Variants in CSMD2 observed in about 807,000 individuals in gnomAD.
CSMD2 encodes the protein CUB and Sushi multiple domains 2.
CSMD2 carries 130 observed loss-of-function variants against 398.5 expected under a neutral mutation model. The ratio of observed to expected loss-of-function variants is 0.33; its 90% CI spans 0.28 to 0.38. CSMD2 has a LOEUF of 0.38. Among genes scored for constraint, CSMD2 ranks in the 10% least tolerant of loss-of-function variants. CSMD2 has a pLI of 1.00. For missense variants in CSMD2, 3,829 were observed against 4,764.9 expected, an observed-to-expected ratio of 0.80 and a Z score of 5.78; for synonymous variants, 1,828 against 1,908.5, an observed-to-expected ratio of 0.96 and a Z score of 1.10.
intron 2 of CSMD2, among the ~76,000 whole-genome samples, chr1:34,051,175 A>G (rs1254122647): frequency 2.6e-5 from 4 of 152,246 alleles, no homozygotes; most frequent in Non-Finnish European, 5.9e-5. Flanking sequence ...ATCATGGCCT[A>G]TGATTAAGAT....
chr1:33,732,509 G>A (rs759483029), intron 15 of CSMD2, among the ~76,000 whole-genome samples: 10 of 152,208 alleles, frequency 6.6e-5, no homozygotes, highest in Non-Finnish European at 2.9e-5. Flanking sequence ...AACAGGCCAC[G>A]TGAGAACACA....
At chr1:33,887,496 C>G (rs1356453127) in intron 5 of CSMD2, among the ~76,000 whole-genome samples, 1 of 152,158 alleles carries the variant, frequency 6.6e-6, no homozygotes. Context: ...CACTGGGTTT[C>G]CATTTAGAGA....
intron 29 of CSMD2, among the ~76,000 whole-genome samples, chr1:33,642,612 T>C (rs752124220): frequency 3.2e-4 from 48 of 152,298 alleles, no homozygotes; most frequent in Middle Eastern, 3.4e-3. Flanking sequence ...GCCCTTGGGC[T>C]CTTGTATTCT....
intron 13 of CSMD2, 120 bp downstream of exon 13, chr1:33,772,449 A>G: frequency 1.2e-6 from 1 of 817,648 alleles, no homozygotes; most frequent in Non-Finnish European, 2.0e-6. Flanking sequence ...TAAACCAACC[A>G]GAGTGCAGCT....
chr1:33,862,342 T>C (rs72663959), intron 5 of CSMD2: 1,888 of 142,474 alleles, frequency 0.013, 18 homozygotes, highest in Non-Finnish European at 0.02. Context: ...GATAAGCTAC[T>C]CTGTGTGTGT....
In CSMD2 at chr1:33,935,781, A is replaced by T; in HGVS notation, c.691T>A (p.Phe231Ile). 6.2e-7 allele frequency: 1 copy of T among 1,609,506 alleles called. No individual in the cohort carries two copies. The highest frequency in any genetic ancestry group is 8.5e-7 in the Non-Finnish European group (1 of 1,177,760). The change falls in exon 4 of 71, where the codon TTC (phenylalanine) becomes ATC (isoleucine). Residue 231 changes from phenylalanine to isoleucine, a missense_variant. Phe to Ile is a conservative substitution (Grantham distance 21, BLOSUM62 0). This residue lies in a region of CSMD2 where 2,001 missense variants were observed against 2,567.1 expected (regional missense o/e 0.78). Transcript: ENST00000373381. ...AGSENSATWD[F>I]PLPSCRADDA... The stretch of plus-strand genomic sequence containing the variant: ...CTACCTCTGCAGGAAGGCAGGGGGA[A>T]GTCCCACGTGGCGCTGTTCTCAGAG...
At position 33,534,712 on chromosome 1, in the gene CSMD2, T is replaced by G. The variant is rs191383368; in HGVS notation, c.9880-805A>C. Among the ~76,000 whole-genome samples, 615 of 152,300 alleles carry G rather than the reference T, an allele frequency of 4.0e-3. 4 individuals carry two copies. The highest frequency in any genetic ancestry group is 0.013 in the African/African-American group (542 of 41,576). On this transcript the variant is annotated intron_variant, in intron 62 of 70. Coordinates refer to ENST00000373381, the MANE Select transcript of CSMD2 (RefSeq NM_001281956.2). ...GCAATGTGTAACTCTTAAATTCCAC[T>G]CCCTTCTTCCATGCTGAACACTTTT... is the stretch of plus-strand genomic sequence containing the variant.
At chr1:33,585,619 A>G (rs913472258) in intron 46 of CSMD2, among the ~76,000 whole-genome samples, 4 of 152,166 alleles carry the variant, frequency 2.6e-5, no homozygotes, top group African/African-American at 9.7e-5. Context: ...GGGCACTGAG[A>G]TGTGGTGATA....
At chr1:33,631,097 A>G (rs1045257540) in intron 32 of CSMD2, among the ~76,000 whole-genome samples, 4 of 152,106 alleles carry the variant, frequency 2.6e-5, no homozygotes, top group African/African-American at 9.7e-5. Context: ...AGAATAATTG[A>G]TAAATTGCAG....
At chr1:33,699,441 G>A (rs946794565) in intron 23 of CSMD2, among the ~76,000 whole-genome samples, 3 of 152,200 alleles carry the variant, frequency 2.0e-5, no homozygotes, top group Non-Finnish European at 4.4e-5. Context: ...ATTCACAGGA[G>A]TCTTACAGGT....
At chr1:33,735,181 G>C (rs1204986697) in intron 15 of CSMD2, among the ~76,000 whole-genome samples, 1 of 152,108 alleles carries the variant, frequency 6.6e-6, no homozygotes, top group Non-Finnish European at 1.5e-5. Context: ...ACAGTAACAG[G>C]GTAGCCAAGA....
intron 10 of CSMD2, among the ~76,000 whole-genome samples, chr1:33,794,755 T>C (rs917268854): frequency 6.6e-6 from 1 of 152,050 alleles, no homozygotes; most frequent in Non-Finnish European, 1.5e-5. Flanking sequence ...AAGGTCTAGG[T>C]GAGGTGGGAT....
At chr1:33,545,149 TCTCA>T (rs1262562909) in intron 57 of CSMD2, among the ~76,000 whole-genome samples, 1 of 152,208 alleles carries the variant, frequency 6.6e-6, no homozygotes, top group Non-Finnish European at 1.5e-5. Context: ...TTCCAGATCT[TCTCA>T]CTCAAACTTA....
intron 10 of CSMD2, among the ~76,000 whole-genome samples, chr1:33,798,526 C>A (rs368726642): frequency 9.2e-5 from 14 of 152,268 alleles, no homozygotes; most frequent in South Asian, 4.1e-4. Flanking sequence ...TGTGTGGGCT[C>A]AGCCCAGGCT....
chr1:33,888,929 G>A (rs1006121141), intron 5 of CSMD2, among the ~76,000 whole-genome samples: 3 of 151,958 alleles, frequency 2.0e-5, no homozygotes, highest in Admixed American at 6.6e-5. Context: ...CACCACGCCC[G>A]GCTAATTTTG....
intron 3 of CSMD2, among the ~76,000 whole-genome samples, chr1:33,981,511 T>G (rs902316614): frequency 6.6e-6 from 1 of 152,214 alleles, no homozygotes; most frequent in Non-Finnish European, 1.5e-5. Flanking sequence ...TTTGAGTACT[T>G]TTACCTATAC....
chr1:33,641,986 T>C (rs555725996), intron 29 of CSMD2, among the ~76,000 whole-genome samples: 2 of 152,160 alleles, frequency 1.3e-5, no homozygotes, highest in Admixed American at 6.5e-5. Context: ...AGTGGACACT[T>C]GAATTAAGCC....
chr1:33,795,674 C>G (rs1366392503), intron 10 of CSMD2, among the ~76,000 whole-genome samples: 2 of 152,224 alleles, frequency 1.3e-5, no homozygotes, highest in African/African-American at 2.4e-5. Context: ...CTGCTCAGCC[C>G]CTTCCTCTCG....
At chr1:34,117,934 G>A (rs533462452) in intron 1 of CSMD2, among the ~76,000 whole-genome samples, 1 of 152,256 alleles carries the variant, frequency 6.6e-6, no homozygotes, top group African/African-American at 2.4e-5. Flanking sequence ...CACTCAGCCA[G>A]GCGTGGTGGT....
Sources: gnomAD v4.1 joint callset for allele counts (sites outside exome capture counted in the v4.1 genomes callset) on GRCh38, gnomAD v4.1.1 for gene constraint, gnomAD v4.1.1 regional missense constraint, MANE v1.5 for transcripts, NCBI Gene and HGNC (gene_info 2026-07-23, HGNC 2026-07-21) for gene names.